The following OTUD7A variants were observed in gnomAD, a reference collection of about 807,000 sequenced individuals.
The protein encoded by OTUD7A is OTU domain-containing protein 7A.
Under a neutral mutation model 65.7 loss-of-function variants are expected in OTUD7A, and 12 were observed. That is an observed-to-expected ratio of 0.18 (90% CI 0.12 to 0.30). The LOEUF (loss-of-function observed/expected upper bound fraction) is 0.30. Ranked by LOEUF, OTUD7A falls within the 10% of genes least tolerant of loss-of-function variation. OTUD7A has a pLI of 1.00. For missense variants in OTUD7A, 1,148 were observed against 1,304.8 expected (o/e 0.88, Z 1.85); for synonymous variants, 641 against 586.3 (o/e 1.09, Z -1.35).
intron 1 of OTUD7A, among the ~76,000 whole-genome samples, chr15:31,675,076 G>A (rs34221717): frequency 2.9e-4 from 44 of 151,902 alleles, no homozygotes; most frequent in Non-Finnish European, 5.4e-4. Context: ...ATGACTTAGA[G>A]GTCTGAACTA....
intron 1 of OTUD7A, among the ~76,000 whole-genome samples, chr15:31,720,012 C>T (rs2141347365): frequency 6.6e-6 from 1 of 152,284 alleles, no homozygotes; most frequent in African/African-American, 2.4e-5. Context: ...TATTTTTTCC[C>T]TTTTAAGCTT....
At chr15:31,784,696 G>C (rs1342510985) in intron 1 of OTUD7A, among the ~76,000 whole-genome samples, 1 of 152,162 alleles carries the variant, frequency 6.6e-6, no homozygotes, top group Admixed American at 6.5e-5. Context: ...GCATCCTAAA[G>C]CATTTGCTTC....
intron 1 of OTUD7A, among the ~76,000 whole-genome samples, chr15:31,729,181 G>A (rs1043070379): frequency 2.6e-5 from 4 of 152,164 alleles, no homozygotes; most frequent in African/African-American, 7.2e-5. Flanking sequence ...TATATATAGG[G>A]TTTGGTACTA....
chr15:31,851,209 T>C (rs1468373932), intron 1 of OTUD7A, among the ~76,000 whole-genome samples: 1 of 152,142 alleles, frequency 6.6e-6, no homozygotes, highest in Non-Finnish European at 1.5e-5. Context: ...ATGGATTAGG[T>C]AGAAGGTAGA....
intron 1 of OTUD7A, among the ~76,000 whole-genome samples, chr15:31,776,312 G>T (rs1328787524): frequency 6.6e-6 from 1 of 152,236 alleles, no homozygotes; most frequent in Non-Finnish European, 1.5e-5. Context: ...GGCTTTGCGG[G>T]AATGCTCCAA....
chr15:31,668,012 G>A (rs1192664695), intron 1 of OTUD7A, among the ~76,000 whole-genome samples: 4 of 152,170 alleles, frequency 2.6e-5, no homozygotes, highest in Non-Finnish European at 4.4e-5. Flanking sequence ...TGAGAAATCT[G>A]CTGTTAGTCT....
At chr15:31,791,591 C>T (rs1009874542) in intron 1 of OTUD7A, among the ~76,000 whole-genome samples, 3 of 152,198 alleles carry the variant, frequency 2.0e-5, no homozygotes, top group African/African-American at 7.2e-5. Flanking sequence ...AGGTACAACA[C>T]GTCCCGGACC....
At chr15:31,775,990 A>G (rs1390376389) in intron 1 of OTUD7A, among the ~76,000 whole-genome samples, 5 of 152,256 alleles carry the variant, frequency 3.3e-5, no homozygotes, top group Non-Finnish European at 5.9e-5. Flanking sequence ...ACACAGACAC[A>G]GAACTGATGA....
At chr15:31,761,155 C>T (rs1314969296) in intron 1 of OTUD7A, among the ~76,000 whole-genome samples, 1 of 151,928 alleles carries the variant, frequency 6.6e-6, no homozygotes, top group African/African-American at 2.4e-5. Flanking sequence ...AACAAAAGTA[C>T]AATCAACAAA....
chr15:31,855,254 A>T (rs1202736738), intron 1 of OTUD7A, among the ~76,000 whole-genome samples: 1 of 152,144 alleles, frequency 6.6e-6, no homozygotes, highest in Non-Finnish European at 1.5e-5. Flanking sequence ...TCACATGAAC[A>T]TCTAGGCAAA....
intron 1 of OTUD7A, among the ~76,000 whole-genome samples, chr15:31,811,282 C>A (rs989845502): frequency 1.3e-5 from 2 of 151,652 alleles, no homozygotes; most frequent in East Asian, 1.9e-4. Context: ...ATTATTGAGA[C>A]CTTTTGGTTG....
At chr15:31,649,407 C>CT (rs906106901) in intron 3 of OTUD7A, among the ~76,000 whole-genome samples, 5 of 151,550 alleles carry the variant, frequency 3.3e-5, no homozygotes, top group African/African-American at 4.8e-5. Flanking sequence ...GTTTTTTTAA[C>CT]TTTTTTTTTG....
chr15:31,754,170 G>A (rs926717996), intron 1 of OTUD7A, among the ~76,000 whole-genome samples: 1 of 151,994 alleles, frequency 6.6e-6, no homozygotes, highest in Non-Finnish European at 1.5e-5. Context: ...ATCTTCTTTT[G>A]AGAATTGTCT....
rs146411404 is a variant in OTUD7A at position 31,632,420 on chromosome 15, G to A, written c.151+22676C>T. Among the ~76,000 whole-genome samples, 20 of 152,324 alleles carry A rather than the reference G, an allele frequency of 1.3e-4. 1 individual carries two copies. Among genetic ancestry groups the A allele is most frequent in the Middle Eastern group, 6.8e-3 (2 of 294 alleles). On this transcript the variant is annotated intron_variant, in intron 3 of 12. Coordinates refer to ENST00000307050, the MANE Select transcript of OTUD7A (RefSeq NM_001382637.1). The stretch of plus-strand genomic sequence containing the variant: ...AGAACAGCGGTGCCTGTAGAACAGC[G>A]GTGGCTGTAGAACAGCAGATCTTGG...
intron 1 of OTUD7A, among the ~76,000 whole-genome samples, chr15:31,755,307 A>G (rs1008756967): frequency 2.0e-5 from 3 of 152,154 alleles, no homozygotes; most frequent in African/African-American, 7.2e-5. Context: ...TTCTTCATAT[A>G]TCTGAGGGCG....
At chr15:31,859,832 G>A (rs957808603) in intron 1 of OTUD7A, among the ~76,000 whole-genome samples, 1 of 152,166 alleles carries the variant, frequency 6.6e-6, no homozygotes, top group African/African-American at 2.4e-5. Context: ...AGGACCTCTG[G>A]CCCGGGCCCT....
chr15:31,566,483 G>A (rs1021507001), intron 4 of OTUD7A, among the ~76,000 whole-genome samples: 1 of 152,136 alleles, frequency 6.6e-6, no homozygotes, highest in Non-Finnish European at 1.5e-5. Context: ...ACGTTACAAA[G>A]GGGAAATCCA....
chr15:31,484,673 G>T lies in OTUD7A; in HGVS notation c.1423C>A (p.Gln475Lys). 1 of 1,582,290 alleles carries T rather than the reference G, an allele frequency of 6.3e-7. No individual in the cohort carries two copies. ...SPTASAGEDV[Q>K]SLADSLDSDR... ...GAGTCCAGCGAGTCGGCCAGGGACT[G>T]CACGTCCTCCCCTGCCGAGGCCGTG... The change falls in exon 13 of 13, where the codon CAG becomes AAG. Residue 475 changes from glutamine to lysine, a missense_variant. Physicochemically the swap from Gln to Lys is moderately conservative, Grantham distance 53. Around this residue, in one of 6 missense-constraint regions of OTUD7A, gnomAD observed 842 missense variants for 769.5 expected, o/e 1.09. Transcript: ENST00000307050. This position sits in a 1 kb window ranked among gnomAD's most constrained non-coding sequence, Gnocchi z 4.5.
At chr15:31,641,131 T>C (rs1891502798) in intron 3 of OTUD7A, among the ~76,000 whole-genome samples, 1 of 151,600 alleles carries the variant, frequency 6.6e-6, no homozygotes, top group Admixed American at 6.6e-5. Context: ...CATCCTGTTC[T>C]TGTGAATAAT....
Sources: gnomAD v4.1 joint callset for allele counts (sites outside exome capture counted in the v4.1 genomes callset) on GRCh38, gnomAD v4.1.1 for gene constraint, gnomAD v4.1.1 regional missense constraint, Gnocchi (gnomAD v3.1) non-coding constraint, MANE v1.5 for transcripts, NCBI Gene and HGNC (gene_info 2026-07-23, HGNC 2026-07-21) for gene names.